The following CDC34 variants were observed in gnomAD, a reference collection of about 807,000 sequenced individuals.
The protein encoded by CDC34 is cell division cycle 34, ubiquitin conjugating enzyme.
In CDC34, 18 loss-of-function variants were observed where a neutral mutation model predicts 26.8. That is an observed-to-expected ratio of 0.67 (90% CI 0.47 to 1.00). The LOEUF (loss-of-function observed/expected upper bound fraction) is 1.00. Ranked by LOEUF, CDC34 falls within the 50% of genes least tolerant of loss-of-function variation. The pLI is 0.00. For missense variants in CDC34, 280 were observed against 334.5 expected (o/e 0.84, Z 1.27); for synonymous variants, 178 against 147.5 (o/e 1.21, Z -1.50).
intron 1 of CDC34, among the ~76,000 whole-genome samples, chr19:533,208 G>A (rs1440875832): frequency 1.3e-5 from 2 of 152,090 alleles, no homozygotes; most frequent in African/African-American, 2.4e-5. Context: ...GGTGGGGAAC[G>A]AGCACCCTGT....
At chr19:537,627 C>T (rs1016180978) in intron 4 of CDC34, among the ~76,000 whole-genome samples, 39 of 142,908 alleles carry the variant, frequency 2.7e-4, no homozygotes, top group African/African-American at 9.5e-4. Flanking sequence ...GCAGGGATTA[C>T]AGGCGTGAGC....
rs778328367 is a variant in CDC34, at chr19:532,062, C to T, written c.131C>T (p.Ala44Val). The change falls in exon 1 of 5, where the codon GCC (alanine) becomes GTC (valine). Residue 44 changes from alanine to valine, a missense_variant. Ala to Val is a moderately conservative substitution (Grantham distance 64, BLOSUM62 0). Coordinates refer to ENST00000215574, the MANE Select transcript of CDC34 (RefSeq NM_004359.2). ...GGCGATCTATACAACTGGGAGGTGG[C>T]CATCTTCGGGCCCCCCAACACCTAC... ...DEGDLYNWEV[A>V]IFGPPNTYYE... The T allele has an allele frequency of 2.0e-6, 3 of 1,521,974 alleles. No homozygotes were observed. Among genetic ancestry groups the T allele is most frequent in the Non-Finnish European group, 2.6e-6 (3 of 1,143,962 alleles). 94.3% of individuals were successfully genotyped at this position (1,521,974 alleles called of 1,614,324 possible).
In CDC34 at chr19:536,169, A is replaced by G. The variant is rs1016131683; in HGVS notation, c.265-74A>G. On this transcript the variant is annotated intron_variant, in intron 2 of 4. Transcript: ENST00000215574. Reference sequence around the variant, plus strand: ...TCACGTCCTCGTCCTCCACGTCCTCATCCTCCGGGACCTGGGGCACTGGGA... The same window carrying G: ...TCACGTCCTCGTCCTCCACGTCCTCGTCCTCCGGGACCTGGGGCACTGGGA... The G allele has an allele frequency of 2.5e-4, 310 of 1,243,794 alleles. 2 individuals are homozygous for G. The highest frequency in any genetic ancestry group is 1.5e-3 in the Middle Eastern group (8 of 5,344). 77.0% of individuals were successfully genotyped at this position (1,243,794 alleles called of 1,614,324 possible). A position where few individuals can be genotyped will look rare whatever the true frequency, so the allele number is the denominator to read the frequency against.
In CDC34 at chr19:542,075, CTACTT is replaced by C. The variant is rs1980045565; in HGVS notation, c.*526_*530del. On this transcript the variant is annotated 3_prime_UTR_variant, in exon 5 of 5. Coordinates refer to ENST00000215574, the MANE Select transcript of CDC34 (RefSeq NM_004359.2). The stretch of plus-strand genomic sequence containing the variant: ...TGGTTTGTTTGAAATCTAAATAAAA[CTACTT>C]TATGAGAGGCCAGAGAAGCTGTGCT... 1 of 152,604 alleles carries C rather than the reference CTACTT, an allele frequency of 6.6e-6. No homozygotes were observed. The highest frequency in any genetic ancestry group is 1.5e-5 in the Non-Finnish European group (1 of 68,346). The allele number at this position is 152,604 out of a possible 1,614,324, so 9.5% of individuals were successfully genotyped here.
At chr19:534,195 G>A (rs1416004890) in intron 1 of CDC34, among the ~76,000 whole-genome samples, 1 of 152,150 alleles carries the variant, frequency 6.6e-6, no homozygotes, top group African/African-American at 2.4e-5. Flanking sequence ...AAGTCTTGGG[G>A]AACCGCAGGA....
At chr19:532,722 C>T (rs1282604558) in intron 1 of CDC34, among the ~76,000 whole-genome samples, 1 of 152,252 alleles carries the variant, frequency 6.6e-6, no homozygotes, top group African/African-American at 2.4e-5. Flanking sequence ...AAAGCGGCCA[C>T]CCTTGCCAGT....
At chr19:533,568 G>A (rs1356455274) in intron 1 of CDC34, among the ~76,000 whole-genome samples, 2 of 152,242 alleles carry the variant, frequency 1.3e-5, no homozygotes, top group Non-Finnish European at 2.9e-5. Context: ...CTGTCTGCTT[G>A]GGGGAGCAGC....
At chr19:539,819 C>T (rs191638856) in intron 4 of CDC34, among the ~76,000 whole-genome samples, 104 of 152,304 alleles carry the variant, frequency 6.8e-4, no homozygotes, top group Admixed American at 2.6e-3. Context: ...ATTCTTGACG[C>T]GTGTCCTGGA....
Position 531,912 on chromosome 19 carries a change from C to T in CDC34, c.-20C>T. ...GCGCGGCCCCGCGCTGCTCCGACCC[C>T]GGGCCCCTCCGCCGCCGCCATGGCT... On this transcript the variant is annotated 5_prime_UTR_variant, in exon 1 of 5. Transcript: ENST00000215574. 1.4e-6 allele frequency: 2 copies of T among 1,398,896 alleles called. No homozygotes were observed. The highest frequency in any genetic ancestry group is 1.6e-5 in the South Asian group (1 of 61,294). The allele number at this position is 1,398,896 out of a possible 1,614,324, so 86.7% of individuals were successfully genotyped here.
chr19:536,222 A>G, intron 2 of CDC34, 21 bp from the exon 3 acceptor site: 1 of 1,587,110 alleles, frequency 6.3e-7, no homozygotes, highest in Middle Eastern at 1.7e-4. Context: ...ACCTGTTCTG[A>G]CCTGTCTTCT....
At chr19:541,049 C>T (rs1369457087) in intron 4 of CDC34, among the ~76,000 whole-genome samples, 1 of 152,214 alleles carries the variant, frequency 6.6e-6, no homozygotes, top group African/African-American at 2.4e-5. Flanking sequence ...TTATTTTCTC[C>T]CAGCTCCTGA....
At chr19:536,705 A>C in intron 3 of CDC34, 3 of 533,678 alleles carry the variant, frequency 5.6e-6, no homozygotes, top group Non-Finnish European at 1.0e-5. Flanking sequence ...AGGTACAAGC[A>C]CTGGGCCGTG....
chr19:539,160 A>T (rs1166882066), intron 4 of CDC34: 1 of 375,208 alleles, frequency 2.7e-6, no homozygotes, highest in African/African-American at 2.2e-5. Flanking sequence ...TGTGTCGGGC[A>T]GGCTGCCGTG....
chr19:541,690 C>T lies in CDC34; in HGVS notation c.*138C>T. 1.1e-6 allele frequency: 1 copy of T among 936,574 alleles called. No individual in the cohort carries two copies. Among genetic ancestry groups the T allele is most frequent in the South Asian group, 1.9e-5 (1 of 52,286 alleles). 58.0% of individuals were successfully genotyped at this position (936,574 alleles called of 1,614,324 possible). On this transcript the variant is annotated 3_prime_UTR_variant, in exon 5 of 5. Coordinates refer to ENST00000215574, the MANE Select transcript of CDC34 (RefSeq NM_004359.2). ...TTCGTTTTGGCTTTTTCTCCCTCCC[C>T]ATGTCTGTTCTGGGTTTTCACGTGC...
rs12609463 is a variant in CDC34, at chr19:541,133, G to T, written c.498-206G>T. 4.9e-6 allele frequency: 3 copies of T among 612,710 alleles called. No homozygotes were observed. The African/African-American group carries it at 5.6e-5, about 11-fold the overall frequency. The allele number at this position is 612,710 out of a possible 1,614,324, so 38.0% of individuals were successfully genotyped here. On this transcript the variant is annotated intron_variant, in intron 4 of 4. Transcript: ENST00000215574. ...ACTGCGCCCGTCCAGCCTCCCACCCGCACCTCCTGCCCTTCCCGAGCCCCC... is the reference window on the plus strand; with the variant it reads ...ACTGCGCCCGTCCAGCCTCCCACCCTCACCTCCTGCCCTTCCCGAGCCCCC...
Position 541,757 on chromosome 19 carries a change from G to C in CDC34, c.*205G>C, listed in dbSNP as rs995468020. On this transcript the variant is annotated 3_prime_UTR_variant, in exon 5 of 5. Coordinates refer to ENST00000215574, the MANE Select transcript of CDC34 (RefSeq NM_004359.2). ...TGCCCCACCGCCACTCACGTCACTC[G>C]GGGCTCGGTGGACGGGCCCAGGGTG... 4.2e-6 allele frequency: 2 copies of C among 479,702 alleles called. No individual in the cohort carries two copies. The highest frequency in any genetic ancestry group is 3.6e-5 in the East Asian group (1 of 27,828). 29.7% of individuals were successfully genotyped at this position (479,702 alleles called of 1,614,324 possible). A position where few individuals can be genotyped will look rare whatever the true frequency, so the allele number is the denominator to read the frequency against.
chr19:541,360 G>A lies in CDC34; in HGVS notation c.519G>A (p.Lys173=), dbSNP rs764715285. 13 of 1,594,516 alleles carry A rather than the reference G, an allele frequency of 8.2e-6. No homozygotes were observed. In the South Asian group the frequency reaches 1.0e-4, roughly 12 times the overall value. The change falls in exon 5 of 5, where the codon AAG becomes AAA. Residue 173 remains lysine (K), a synonymous_variant. Transcript: ENST00000215574. The part of the protein sequence containing the change: ...DIIRKQVLGT[K]VDAERDGVKV... ...CCAGGAAGCAGGTCCTGGGGACCAA[G>A]GTGGACGCGGAGCGTGACGGCGTGA...
At chr19:534,200 G>A (rs185289998) in intron 1 of CDC34, among the ~76,000 whole-genome samples, 6 of 152,260 alleles carry the variant, frequency 3.9e-5, no homozygotes, top group Non-Finnish European at 5.9e-5. Flanking sequence ...TTGGGGAACC[G>A]CAGGACAGTT....
At chr19:534,019 AG>A (rs1392332620) in intron 1 of CDC34, among the ~76,000 whole-genome samples, 1 of 152,226 alleles carries the variant, frequency 6.6e-6, no homozygotes, top group Non-Finnish European at 1.5e-5. Context: ...TGCCCTTGGC[AG>A]GGCGCTTTCC....
Sources: allele counts gnomAD v4.1 joint callset (sites outside exome capture counted in the v4.1 genomes callset), GRCh38; gene constraint gnomAD v4.1.1; transcripts MANE v1.5; gene names NCBI Gene and HGNC (gene_info 2026-07-23, HGNC 2026-07-21).